KMT2D: variants seen among roughly 807,000 people sequenced by gnomAD.
The protein encoded by KMT2D is histone-lysine N-methyltransferase 2D.
In KMT2D, 55 loss-of-function variants were observed where a neutral mutation model predicts 512.7. The observed-to-expected ratio is 0.11, with a 90% CI of 0.09 to 0.13. KMT2D has a LOEUF of 0.13. Among genes scored for constraint, KMT2D ranks in the 10% least tolerant of loss-of-function variants. The pLI is 1.00. For synonymous variants in KMT2D, 2,995 were observed against 2,904.0 expected, an observed-to-expected ratio of 1.03 and a Z score of -1.01; for missense variants, 6,061 against 7,127.9, an observed-to-expected ratio of 0.85 and a Z score of 5.39.
chr12:49,034,734 G>A (rs1189451273), intron 36 of KMT2D, 68 bp from the exon 37 acceptor site: 26 of 1,606,778 alleles, frequency 1.6e-5, no homozygotes, highest in Non-Finnish European at 2.2e-5. Flanking sequence ...AGAGACGTGG[G>A]ACAAGTAGGG....
chr12:49,021,539 T>C lies in KMT2D; in HGVS notation c.*241A>G, dbSNP rs1418531866. On this transcript the variant is annotated 3_prime_UTR_variant, in exon 55 of 55. Coordinates refer to ENST00000301067, the MANE Select transcript of KMT2D (RefSeq NM_003482.4). Reference sequence around the variant, plus strand: ...ATGGCTGCTTCTGTCTGGCCCCTCCTGGAGCTGGGGGCAGAGATGCCAGCC... The same window carrying C: ...ATGGCTGCTTCTGTCTGGCCCCTCCCGGAGCTGGGGGCAGAGATGCCAGCC... 3 of 543,900 alleles carry C rather than the reference T, an allele frequency of 5.5e-6. No homozygotes were observed. Among genetic ancestry groups the C allele is most frequent in the Non-Finnish European group, 9.8e-6 (3 of 305,434 alleles). The allele number at this position is 543,900 out of a possible 1,614,324, so 33.7% of individuals were successfully genotyped here.
At position 49,034,154 on chromosome 12, in the gene KMT2D, T is replaced by C. The variant is rs1246833934; in HGVS notation, c.10653A>G (p.Lys3551=). The C allele has an allele frequency of 5.0e-6, 8 of 1,612,828 alleles. No homozygotes were observed. In the African/African-American group the frequency reaches 8.0e-5, roughly 16 times the overall value. The part of the protein sequence containing the change: ...ALCAKQRTAK[K]AGREFPEADA... ...CAGCTTCTGGGAACTCACGGCCAGCTTTTTTGGCAGTGCGCTGCTTGGCAC... is the reference window on the plus strand; with the variant it reads ...CAGCTTCTGGGAACTCACGGCCAGCCTTTTTGGCAGTGCGCTGCTTGGCAC... Residue 3551 remains lysine, a synonymous_variant, in exon 39 of 55, where the codon AAA becomes AAG. Coordinates refer to ENST00000301067, the MANE Select transcript of KMT2D (RefSeq NM_003482.4).
rs776655300 is a variant in KMT2D at position 49,037,381 on chromosome 12, C to T, written c.9975G>A (p.Leu3325=). ...GCTGGGTGGGCATCAGTGGCTGGGGCAAACCTGGCTGTCGGGCACCTGCAA... is the reference window on the plus strand; with the variant it reads ...GCTGGGTGGGCATCAGTGGCTGGGGTAAACCTGGCTGTCGGGCACCTGCAA... ...LGLAGARQPG[L]PQPLMPTQPP... Residue 3325 remains leucine, a synonymous_variant, in exon 35 of 55, where the codon TTG becomes TTA. Coordinates refer to ENST00000301067, the MANE Select transcript of KMT2D (RefSeq NM_003482.4). The T allele has an allele frequency of 1.2e-6, 2 of 1,609,050 alleles. No individual in the cohort carries two copies. The highest frequency in any genetic ancestry group is 1.7e-5 in the Admixed American group (1 of 59,254).
Position 49,042,469 on chromosome 12 carries a change from T to C in KMT2D, c.5867+92A>G. On this transcript the variant is annotated intron_variant, in intron 28 of 54. Coordinates refer to ENST00000301067, the MANE Select transcript of KMT2D (RefSeq NM_003482.4). The surrounding 1 kb of genome is among the most constrained non-coding windows in gnomAD (Gnocchi z 4.4). ...AGGGAATGGGGAGGAGCAGGGGAAGTGCTGCAGGAGTCCGAGGGAGGCAAA... is the reference window on the plus strand; with the variant it reads ...AGGGAATGGGGAGGAGCAGGGGAAGCGCTGCAGGAGTCCGAGGGAGGCAAA... 2.0e-6 allele frequency: 3 copies of C among 1,528,206 alleles called. No homozygotes were observed. The highest frequency in any genetic ancestry group is 2.4e-5 in the South Asian group (2 of 84,192). 94.7% of individuals were successfully genotyped at this position (1,528,206 alleles called of 1,614,324 possible). A position where few individuals can be genotyped will look rare whatever the true frequency, so the allele number is the denominator to read the frequency against.
At position 49,050,603 on chromosome 12, in the gene KMT2D, A is replaced by G. The variant is rs2120653759; in HGVS notation, c.2985T>C (p.Pro995=). ...ATGGGGGAAGGATCATAGGGGGGAC[A>G]GGCTCAGGGTCAGTGCAGTTAGCTT... ...PPEANCTDPE[P]VPPMILPPSP... The change falls in exon 12 of 55, where the codon CCT becomes CCC. Residue 995 remains proline, a synonymous_variant. Coordinates refer to ENST00000301067, the MANE Select transcript of KMT2D (RefSeq NM_003482.4). 1 of 1,608,230 alleles carries G rather than the reference A, an allele frequency of 6.2e-7. No individual in the cohort carries two copies. Among genetic ancestry groups the G allele is most frequent in the Non-Finnish European group, 8.5e-7 (1 of 1,175,690 alleles).
rs376062022 is a variant in KMT2D, at chr12:49,041,487, G to A, written c.6283C>T (p.Arg2095Cys). Residue 2095 changes from arginine (R) to cysteine (C), a missense_variant, in exon 32 of 55, where the codon CGT becomes TGT. By Grantham distance (180) the Arg-to-Cys change is radical. Coordinates refer to ENST00000301067, the MANE Select transcript of KMT2D (RefSeq NM_003482.4). This position sits in a 1 kb window ranked among gnomAD's most constrained non-coding sequence, Gnocchi z 5.4. ...TGTAGGGCCGGTCGGTCAGTCTTAC[G>A]GGCTATGTCGCCCACCTTGGTCTGC... ...NKQTKVGDIA[R>C]KTDRPALHLR... 22 of 1,613,430 alleles carry A rather than the reference G, an allele frequency of 1.4e-5. No individual in the cohort carries two copies. Among genetic ancestry groups the A allele is most frequent in the East Asian group, 2.2e-5 (1 of 44,886 alleles).
rs7975791 is a variant in KMT2D at position 49,019,703 on chromosome 12, C to T, written c.*2077G>A. 0.023 allele frequency: 5,355 copies of T among 232,326 alleles called. 91 individuals are homozygous for T. Among genetic ancestry groups the T allele is most frequent in the Non-Finnish European group, 0.034 (4,020 of 117,218 alleles). The allele number at this position is 232,326 out of a possible 1,614,324, so 14.4% of individuals were successfully genotyped here. On this transcript the variant is annotated 3_prime_UTR_variant, in exon 55 of 55. Transcript: ENST00000301067. ...GCTTTGAGGGCAGCAGCCCAGTCTT[C>T]CTACTGTCTGATTTAATTACAGCGG...
Position 49,042,108 on chromosome 12 carries a change from A to T in KMT2D, c.6090T>A (p.Asn2030Lys). ...PVLYANINFP[N>K]LKQDYPDWSS... ...AGGTACCTGGGTAGTCTTGCTTGAGATTAGGAAAATTAATGTTGGCATAGA... is the reference window on the plus strand; with the variant it reads ...AGGTACCTGGGTAGTCTTGCTTGAGTTTAGGAAAATTAATGTTGGCATAGA... The change falls in exon 29 of 55, where the codon AAT becomes AAA. Residue 2030 changes from asparagine to lysine, a missense_variant. Physicochemically the swap from Asn to Lys is moderately conservative, Grantham distance 94 (BLOSUM62 0). This residue lies in a region of KMT2D where 640 missense variants were observed against 814.3 expected (regional missense o/e 0.79). Coordinates refer to ENST00000301067, the MANE Select transcript of KMT2D (RefSeq NM_003482.4). The surrounding 1 kb of genome is among the most constrained non-coding windows in gnomAD (Gnocchi z 4.4). 1 of 1,613,674 alleles carries T rather than the reference A, an allele frequency of 6.2e-7. No individual in the cohort carries two copies. Among genetic ancestry groups the T allele is most frequent in the Non-Finnish European group, 8.5e-7 (1 of 1,179,766 alleles).
rs2120361706 is a variant in KMT2D, at chr12:49,026,688, G to C, written c.15278C>G (p.Ser5093Cys). ...ALHRGLLTKC[S>C]LCQRTGATSS... ...GGTGGCACCAGTTCGCTGGCACAGGGAGCACTTGGTTAGCAGTCCTCGGTG... is the reference window on the plus strand; with the variant it reads ...GGTGGCACCAGTTCGCTGGCACAGGCAGCACTTGGTTAGCAGTCCTCGGTG... Residue 5093 changes from serine to cysteine, a missense_variant, in exon 49 of 55, where the codon TCC (serine) becomes TGC (cysteine). Ser to Cys is a moderately radical substitution (Grantham distance 112). Transcript: ENST00000301067. This position sits in a 1 kb window ranked among gnomAD's most constrained non-coding sequence, Gnocchi z 9.6. The C allele has an allele frequency of 4.3e-6, 7 of 1,614,006 alleles. No homozygotes were observed. Among genetic ancestry groups the C allele is most frequent in the Non-Finnish European group, 5.9e-6 (7 of 1,179,894 alleles).
At position 49,022,560 on chromosome 12, in the gene KMT2D, C is replaced by T. The variant is rs772930005; in HGVS notation, c.16338+30G>A. 1.2e-6 allele frequency: 2 copies of T among 1,603,472 alleles called. No individual in the cohort carries two copies. On this transcript the variant is annotated intron_variant, in intron 52 of 54. Transcript: ENST00000301067. This position sits in a 1 kb window ranked among gnomAD's most constrained non-coding sequence, Gnocchi z 8.6. ...GCTCCTTGGTTGAGTGCAGACTATG[C>T]ACCACAATGGCCCCTCTGCCAGCTC...
In KMT2D at chr12:49,037,208, C is replaced by T. The variant is rs776462586; in HGVS notation, c.10148G>A (p.Gly3383Asp). Residue 3383 changes from glycine (G) to aspartate (D), a missense_variant, in exon 35 of 55, where the codon GGC becomes GAC. Gly to Asp is a moderately conservative substitution (Grantham distance 94). Coordinates refer to ENST00000301067, the MANE Select transcript of KMT2D (RefSeq NM_003482.4). ...SQPVLSQKPM[G>D]TMPPSMCMKP... ...CATGCACATGGAAGGTGGCATGGTG[C>T]CCATGGGCTTCTGTGATAGCACTGG... The T allele has an allele frequency of 5.6e-6, 9 of 1,611,880 alleles. No individual in the cohort carries two copies. Among genetic ancestry groups the T allele is most frequent in the Admixed American group, 1.7e-5 (1 of 59,950 alleles).
Position 49,049,851 on chromosome 12 carries a change from G to T in KMT2D, c.3737C>A (p.Thr1246Lys), listed in dbSNP as rs112921115. ...GSLSMELGVS[T>K]DVSPARDEGS... ...CTCATCTCGGGCTGGACTAACATCC[G>T]TAGAGACCCCCAACTCCATGGACAG... Residue 1246 changes from threonine to lysine, a missense_variant, in exon 12 of 55, where the codon ACG (threonine) becomes AAG (lysine). Around this residue, in one of 16 missense-constraint regions of KMT2D, gnomAD observed 447 missense variants for 500.1 expected, o/e 0.89. Transcript: ENST00000301067. 3 of 1,613,936 alleles carry T rather than the reference G, an allele frequency of 1.9e-6. No homozygotes were observed. Among genetic ancestry groups the T allele is most frequent in the Non-Finnish European group, 2.5e-6 (3 of 1,179,884 alleles).
rs146213252 is a variant in KMT2D at position 49,037,591 on chromosome 12, A to G, written c.9765T>C (p.His3255=). The change falls in exon 35 of 55, where the codon CAT becomes CAC. Residue 3255 remains histidine, a synonymous_variant. Coordinates refer to ENST00000301067, the MANE Select transcript of KMT2D (RefSeq NM_003482.4). ...GCTTCTTCTGCAGCTCCTTCTTCTC[A>G]TGCTCCAACAGGTCCTCAATGAGCA... is the stretch of plus-strand genomic sequence containing the variant. The part of the protein sequence containing the change: ...LPLLIEDLLE[H]EKKELQKKQQ... 2.5e-4 allele frequency: 390 copies of G among 1,555,782 alleles called. 1 individual carries two copies. The African/African-American group carries it at 4.3e-3, about 17-fold the overall frequency.
chr12:49,058,487 T>C (rs528214384), intron 1 of KMT2D, among the ~76,000 whole-genome samples: 5 of 152,320 alleles, frequency 3.3e-5, no homozygotes, highest in Non-Finnish European at 5.9e-5. Flanking sequence ...GCCAAATCCC[T>C]GCTGGGTAGC....
Position 49,019,190 on chromosome 12 carries a change from C to T in KMT2D, c.*2590G>A, listed in dbSNP as rs1453606537. On this transcript the variant is annotated 3_prime_UTR_variant, in exon 55 of 55. Transcript: ENST00000301067. Reference sequence around the variant, plus strand: ...TCATCCGTTGTTACGAAGGACCAACCTTGCTGTACAGGATACACACAACAC... The same window carrying T: ...TCATCCGTTGTTACGAAGGACCAACTTTGCTGTACAGGATACACACAACAC... The T allele has an allele frequency of 9.2e-7, 1 of 1,086,718 alleles. No individual in the cohort carries two copies. The highest frequency in any genetic ancestry group is 4.8e-5 in the East Asian group (1 of 20,928). The allele number at this position is 1,086,718 out of a possible 1,614,324, so 67.3% of individuals were successfully genotyped here. A position where few individuals can be genotyped will look rare whatever the true frequency, so the allele number is the denominator to read the frequency against.
chr12:49,049,815 C>G lies in KMT2D; in HGVS notation c.3773G>C (p.Arg1258Pro), dbSNP rs1341612248. 1 of 1,613,946 alleles carries G rather than the reference C, an allele frequency of 6.2e-7. No individual in the cohort carries two copies. Among genetic ancestry groups the G allele is most frequent in the Non-Finnish European group, 8.5e-7 (1 of 1,179,900 alleles). Residue 1258 changes from arginine (R) to proline (P), a missense_variant, in exon 12 of 55, where the codon CGG (arginine) becomes CCG (proline). Around this residue, in one of 16 missense-constraint regions of KMT2D, gnomAD observed 447 missense variants for 500.1 expected, o/e 0.89. Coordinates refer to ENST00000301067, the MANE Select transcript of KMT2D (RefSeq NM_003482.4). ...CTCTGGCAGTGAGTCAGTACAGAGC[C>G]GTAGGGAGCCCTCATCTCGGGCTGG... Reference protein sequence around the residue: ...VSPARDEGSLRLCTDSLPETD... With the variant: ...VSPARDEGSLPLCTDSLPETD...
Position 49,051,526 on chromosome 12 carries a change from C to A in KMT2D, c.2157G>T (p.Pro719=), listed in dbSNP as rs568204324. 1.9e-6 allele frequency: 3 copies of A among 1,613,130 alleles called. No individual in the cohort carries two copies. Among genetic ancestry groups the A allele is most frequent in the Admixed American group, 1.7e-5 (1 of 59,958 alleles). Residue 719 remains proline (P), a synonymous_variant, in exon 11 of 55, where the codon CCG becomes CCT. Transcript: ENST00000301067. ...PPPEDSLMSL[P]LEESPLLPLP... ...GTGGCAACAGGGGTGACTCCTCCAG[C>A]GGCAGGGACATGAGCGAGTCCTCCG... is the stretch of plus-strand genomic sequence containing the variant.
chr12:49,022,830 GCT>G lies in KMT2D; in HGVS notation c.16096_16097del (p.Ser5366HisfsTer92). On this transcript the variant is annotated frameshift_variant, in exon 52 of 55. Transcript: ENST00000301067. LOFTEE classifies it high-confidence loss of function. The surrounding 1 kb of genome is among the most constrained non-coding windows in gnomAD (Gnocchi z 8.6). ...NSTSMSKAYQ[S>X]TFTGETNTPY... ...GGGTGTTGGTCTCGCCTGTGAAGGT[GCT>G]CTGATATGCCTTAGACATGCTGGTG... 1 of 1,613,064 alleles carries G rather than the reference GCT, an allele frequency of 6.2e-7. No individual in the cohort carries two copies. The highest frequency in any genetic ancestry group is 8.5e-7 in the Non-Finnish European group (1 of 1,179,308).
chr12:49,060,158 ACGCGGGGCCGGCGGGGC>A lies in KMT2D; in HGVS notation c.-600_-584del, dbSNP rs1938659594. On this transcript the variant is annotated 5_prime_UTR_variant, in exon 1 of 55. Coordinates refer to ENST00000301067, the MANE Select transcript of KMT2D (RefSeq NM_003482.4). ...GCCCGGGGCCGCGCGAGCTACGGCGACGCGGGGCCGGCGGGGCCGCGGGGCTGAACCTGACACACACC... is the reference window on the plus strand; with the variant it reads ...GCCCGGGGCCGCGCGAGCTACGGCGACGCGGGGCTGAACCTGACACACACC... Among the ~76,000 whole-genome samples, 1 of 150,518 alleles carries A rather than the reference ACGCGGGGCCGGCGGGGC, an allele frequency of 6.6e-6. No individual in the cohort carries two copies. Among genetic ancestry groups the A allele is most frequent in the African/African-American group, 2.5e-5 (1 of 40,802 alleles).
Sources: allele counts gnomAD v4.1 joint callset (sites outside exome capture counted in the v4.1 genomes callset), GRCh38; gene constraint gnomAD v4.1.1; regional missense constraint gnomAD v4.1.1; non-coding constraint Gnocchi (gnomAD v3.1); transcripts MANE v1.5; gene names NCBI Gene and HGNC (gene_info 2026-07-23, HGNC 2026-07-21).